Variants in ANKRD55 observed in about 807,000 individuals in gnomAD.
ANKRD55 encodes ankyrin repeat domain-containing protein 55.
A neutral mutation model predicts 60.6 loss-of-function variants in ANKRD55; 41 were observed. The ratio of observed to expected loss-of-function variants is 0.68; its 90% confidence interval spans 0.53 to 0.88. The LOEUF (loss-of-function observed/expected upper bound fraction) is 0.88, where lower values mean the gene tolerates loss of function less well. Among genes scored for constraint, ANKRD55 ranks in the 40% least tolerant of loss-of-function variants. ANKRD55 has a pLI of 0.00. For synonymous variants in ANKRD55, 264 were observed against 290.3 expected (o/e 0.91, Z 0.92); for missense variants, 732 against 767.6 (o/e 0.95, Z 0.55).
At chr5:56,166,086 T>TTC (rs1554040773) in intron 5 of ANKRD55, among the ~76,000 whole-genome samples, 3 of 91,770 alleles carry the variant, frequency 3.3e-5, no homozygotes, top group African/African-American at 1.1e-4. Context: ...TTTCTTTTCT[T>TTC]TTTCTTTCTT....
At chr5:56,100,829 G>A (rs1011345638) in intron 11 of ANKRD55, among the ~76,000 whole-genome samples, 6 of 152,056 alleles carry the variant, frequency 3.9e-5, no homozygotes, top group Non-Finnish European at 7.4e-5. Flanking sequence ...ACCTCTCTTC[G>A]GCTTCTCCAA....
At chr5:56,206,931 C>G (rs920555103) in intron 2 of ANKRD55, among the ~76,000 whole-genome samples, 1 of 152,126 alleles carries the variant, frequency 6.6e-6, no homozygotes, top group Non-Finnish European at 1.5e-5. Flanking sequence ...GCTGGTGGAC[C>G]GGCTAGCAGT....
At chr5:56,150,135 C>T (rs959501476) in intron 6 of ANKRD55, among the ~76,000 whole-genome samples, 5 of 152,098 alleles carry the variant, frequency 3.3e-5, no homozygotes, top group African/African-American at 9.7e-5. Context: ...CCACTGCGCC[C>T]GGCCTATTTT....
intron 7 of ANKRD55, chr5:56,127,770 G>T: frequency 6.2e-6 from 1 of 162,474 alleles, no homozygotes. Context: ...GGTCCCATCT[G>T]AGTACCAGAC....
intron 2 of ANKRD55, among the ~76,000 whole-genome samples, chr5:56,227,614 T>A (rs1321605919): frequency 8.2e-6 from 1 of 121,422 alleles, no homozygotes; most frequent in Non-Finnish European, 1.7e-5. Context: ...TTTCCATTGA[T>A]GTCTTTTTTT....
chr5:56,142,896 A>G (rs1757807194), intron 7 of ANKRD55, among the ~76,000 whole-genome samples: 1 of 152,236 alleles, frequency 6.6e-6, no homozygotes, highest in African/African-American at 2.4e-5. Context: ...AACTGAAGCC[A>G]AGGTTAGAGG....
chr5:56,116,596 T>C lies in ANKRD55; in HGVS notation c.965+19A>G, dbSNP rs758944867. On this transcript the variant is annotated intron_variant, in intron 9 of 11. Coordinates refer to ENST00000341048, the MANE Select transcript of ANKRD55 (RefSeq NM_024669.3). ...TAGTTGAGAAGAATAGAAAAATAAC[T>C]GGCTCCTGTTGTACTCACCTGCTCT... is the stretch of plus-strand genomic sequence containing the variant. The C allele has an allele frequency of 4.1e-6, 6 of 1,454,924 alleles. No individual in the cohort carries two copies. The highest frequency in any genetic ancestry group is 5.5e-6 in the Non-Finnish European group (6 of 1,098,938). The allele number at this position is 1,454,924 out of a possible 1,614,324, so 90.1% of individuals were successfully genotyped here.
At chr5:56,129,478 G>A (rs868281960) in intron 7 of ANKRD55, among the ~76,000 whole-genome samples, 10 of 152,102 alleles carry the variant, frequency 6.6e-5, no homozygotes, top group Middle Eastern at 3.2e-3. Context: ...AGTCCTAGTC[G>A]TTTTCTCTTT....
At chr5:56,162,013 T>C in intron 5 of ANKRD55, 1 of 985,468 alleles carries the variant, frequency 1.0e-6, no homozygotes, top group Non-Finnish European at 1.2e-6. Flanking sequence ...CTTTCTTTCC[T>C]TTCTGTCTTC....
chr5:56,127,064 G>C lies in ANKRD55; in HGVS notation c.655C>G (p.Gln219Glu), dbSNP rs1314086273. Residue 219 changes from glutamine to glutamate, a missense_variant, in exon 8 of 12, where the codon CAG (glutamine) becomes GAG (glutamate). Gln to Glu is a conservative substitution (Grantham distance 29, BLOSUM62 2). Transcript: ENST00000341048. ...TCATAGTTGATTATGGACGGCCCCT[G>C]GTGATGGCTCAGAATGATGGAGCAC... ...ILCSIILSHH[Q>E]GPSIINYDDE... 1 of 1,613,242 alleles carries C rather than the reference G, an allele frequency of 6.2e-7. No individual in the cohort carries two copies. The highest frequency in any genetic ancestry group is 8.5e-7 in the Non-Finnish European group (1 of 1,179,662).
chr5:56,113,047 T>C (rs1016568045), intron 9 of ANKRD55, among the ~76,000 whole-genome samples: 12 of 152,152 alleles, frequency 7.9e-5, no homozygotes, highest in Admixed American at 2.0e-4. Flanking sequence ...GACGCTCAAG[T>C]TTCCCTATAA....
intron 2 of ANKRD55, among the ~76,000 whole-genome samples, chr5:56,212,969 C>T (rs761052231): frequency 1.6e-4 from 24 of 152,182 alleles, no homozygotes; most frequent in Non-Finnish European, 2.6e-4. Flanking sequence ...GAATAAACCT[C>T]ACCAAAATAT....
chr5:56,196,110 C>CTT (rs942762549), intron 2 of ANKRD55, among the ~76,000 whole-genome samples: 42 of 152,138 alleles, frequency 2.8e-4, no homozygotes, highest in African/African-American at 1.0e-3. Flanking sequence ...ATTCTTGCTC[C>CTT]AACACTTACT....
intron 2 of ANKRD55, chr5:56,193,319 A>G (rs1176976641): frequency 6.9e-6 from 7 of 1,009,164 alleles, no homozygotes; most frequent in African/African-American, 1.6e-5. Flanking sequence ...AGGAGATTCC[A>G]GAGATCCCAC....
rs1735065299 is a variant in ANKRD55 at position 56,100,305 on chromosome 5, C to T, written c.1724-1G>A. 2 of 1,614,086 alleles carry T rather than the reference C, an allele frequency of 1.2e-6. No individual in the cohort carries two copies. The highest frequency in any genetic ancestry group is 1.3e-5 in the African/African-American group (1 of 75,042). The stretch of plus-strand genomic sequence containing the variant: ...GTCCGCAGAGGTTCTCCAGATAGAA[C>T]TGGGAAGAAAGAATAGAACAAGAGA... On this transcript the variant is annotated splice_acceptor_variant, in intron 11 of 11. Transcript: ENST00000341048. LOFTEE classifies it high-confidence loss of function.
chr5:56,122,840 A>G (rs1161592032), intron 8 of ANKRD55, among the ~76,000 whole-genome samples: 2 of 151,136 alleles, frequency 1.3e-5, no homozygotes, highest in Non-Finnish European at 2.9e-5. Context: ...ATCACAGTTC[A>G]CTGCAACCTT....
intron 8 of ANKRD55, among the ~76,000 whole-genome samples, chr5:56,125,322 C>T (rs1257786926): frequency 6.6e-6 from 1 of 151,616 alleles, no homozygotes; most frequent in Non-Finnish European, 1.5e-5. Flanking sequence ...GCTTAGTAAC[C>T]CAGGCTGGAG....
chr5:56,126,987 G>A lies in ANKRD55; in HGVS notation c.732C>T (p.Ser244=), dbSNP rs375554059. The change falls in exon 8 of 12, where the codon AGC becomes AGT. Residue 244 remains serine, a synonymous_variant. Transcript: ENST00000341048. ...CTCTTGCCAGCTCATGAATAATATC[G>A]CTGAAGCCCGCTGCCGCTGCGATAT... The part of the protein sequence containing the change: ...CVHIAAAAGF[S]DIIHELARVP... The A allele has an allele frequency of 7.4e-6, 12 of 1,613,250 alleles. No homozygotes were observed. The highest frequency in any genetic ancestry group is 5.0e-5 in the Admixed American group (3 of 59,928).
chr5:56,167,650 C>T (rs1040795377), intron 5 of ANKRD55, among the ~76,000 whole-genome samples: 1 of 152,158 alleles, frequency 6.6e-6, no homozygotes, highest in Non-Finnish European at 1.5e-5. Context: ...GCTTTTTGGA[C>T]AATATAACTA....
Sources: allele counts gnomAD v4.1 joint callset (sites outside exome capture counted in the v4.1 genomes callset), GRCh38; gene constraint gnomAD v4.1.1; transcripts MANE v1.5; gene names NCBI Gene and HGNC (gene_info 2026-07-23, HGNC 2026-07-21).